The following ARFGEF2 variants were observed in gnomAD, a reference collection of about 807,000 sequenced individuals.
ARFGEF2 encodes the protein ARF guanine nucleotide exchange factor 2.
Under a neutral mutation model 219.9 loss-of-function variants are expected in ARFGEF2, and 74 were observed. The observed-to-expected ratio is 0.34, with a 90% CI of 0.28 to 0.41. The LOEUF is 0.41. ARFGEF2 is among the 10% of genes least tolerant of loss of function. The probability of loss-of-function intolerance (pLI) is 1.00; values close to 1 mark genes in which losing one functional copy is unlikely to be tolerated. For synonymous variants in ARFGEF2, 733 were observed against 799.2 expected, an observed-to-expected ratio of 0.92 and a Z score of 1.40; for missense variants, 1,743 against 2,218.3, an observed-to-expected ratio of 0.79 and a Z score of 4.30.
chr20:48,993,443 A>C (rs2091368380), intron 21 of ARFGEF2, among the ~76,000 whole-genome samples: 1 of 152,204 alleles, frequency 6.6e-6, no homozygotes, highest in Non-Finnish European at 1.5e-5. Flanking sequence ...TGGTGGAATT[A>C]AGTCTATTTC....
intron 1 of ARFGEF2, 27 bp downstream of exon 1, chr20:48,922,037 C>T (rs778638773): frequency 6.4e-7 from 1 of 1,567,110 alleles, no homozygotes; most frequent in East Asian, 2.4e-5. Context: ...CGCCCTGCCC[C>T]GCGCTGGCCT....
At chr20:48,979,824 C>T (rs1207478805) in intron 14 of ARFGEF2, among the ~76,000 whole-genome samples, 1 of 151,552 alleles carries the variant, frequency 6.6e-6, no homozygotes, top group Non-Finnish European at 1.5e-5. Flanking sequence ...TGGTGATATC[C>T]CCTTTATCAT....
At chr20:48,941,405 AG>A (rs1344895289) in intron 2 of ARFGEF2, among the ~76,000 whole-genome samples, 176 bp downstream of exon 2, 4 of 152,206 alleles carry the variant, frequency 2.6e-5, no homozygotes, top group African/African-American at 9.7e-5. Context: ...AACTGATGCT[AG>A]GTTCACAGGC....
At chr20:49,010,645 A>G (rs1035356995) in intron 27 of ARFGEF2, among the ~76,000 whole-genome samples, 1 of 152,226 alleles carries the variant, frequency 6.6e-6, no homozygotes, top group Non-Finnish European at 1.5e-5. Flanking sequence ...GGTCCAGCAG[A>G]TAAACGTGAA....
chr20:49,031,929 AG>A (rs1354566403), intron 37 of ARFGEF2, 119 bp from the exon 38 acceptor site: 7 of 846,342 alleles, frequency 8.3e-6, no homozygotes, highest in Admixed American at 5.7e-5. Flanking sequence ...AAAAAAAAAA[AG>A]TAATTAAAAA....
At chr20:48,947,624 G>T (rs2091036463) in intron 3 of ARFGEF2, among the ~76,000 whole-genome samples, 1 of 152,124 alleles carries the variant, frequency 6.6e-6, no homozygotes, top group Admixed American at 6.5e-5. Flanking sequence ...ACTTTGGAAG[G>T]CCGAGGCAGG....
intron 26 of ARFGEF2, among the ~76,000 whole-genome samples, chr20:49,005,877 C>A (rs1266852389): frequency 1.1e-4 from 17 of 152,128 alleles, no homozygotes; most frequent in Admixed American, 9.8e-4. Context: ...ACTTCTCCCC[C>A]AGGGAGGTCA....
At chr20:49,011,843 G>T in intron 27 of ARFGEF2, 81 bp from the exon 28 acceptor site, 2 of 1,347,958 alleles carry the variant, frequency 1.5e-6, no homozygotes, top group Non-Finnish European at 1.1e-6. Context: ...GTGTGTGTGT[G>T]TGTGTGTGCA....
intron 1 of ARFGEF2, among the ~76,000 whole-genome samples, chr20:48,925,533 G>A (rs1268456790): frequency 1.3e-5 from 2 of 152,070 alleles, no homozygotes; most frequent in East Asian, 1.9e-4. Flanking sequence ...TTTAAAATTC[G>A]ATATGGAAAA....
chr20:49,017,573 G>C, intron 33 of ARFGEF2, 23 bp downstream of exon 33: 1 of 1,613,152 alleles, frequency 6.2e-7, no homozygotes, highest in Non-Finnish European at 8.5e-7. Flanking sequence ...GTTTTTCTTT[G>C]GTTGTCTTTT....
intron 25 of ARFGEF2, among the ~76,000 whole-genome samples, chr20:49,004,425 G>A (rs1255482694): frequency 6.6e-6 from 1 of 151,956 alleles, no homozygotes; most frequent in African/African-American, 2.4e-5. Flanking sequence ...TGGTTAAGAT[G>A]GTAGATTTTA....
intron 26 of ARFGEF2, among the ~76,000 whole-genome samples, chr20:49,006,564 G>A (rs920989378): frequency 2.6e-5 from 4 of 152,092 alleles, no homozygotes; most frequent in Non-Finnish European, 5.9e-5. Flanking sequence ...TTTTATCCAG[G>A]GCAGCCAGCT....
In ARFGEF2 at chr20:48,998,491, G is replaced by A; in HGVS notation, c.3418G>A (p.Asp1140Asn). 6.2e-7 allele frequency: 1 copy of A among 1,612,090 alleles called. No homozygotes were observed. Among genetic ancestry groups the A allele is most frequent in the Admixed American group, 1.7e-5 (1 of 59,868 alleles). Residue 1140 changes from aspartate (D) to asparagine (N), a missense_variant, in exon 25 of 39, where the codon GAT becomes AAT. Asp to Asn is a conservative substitution (Grantham distance 23). Transcript: ENST00000371917. ...GTCTCGAATATGGCATGTGATTGGA[G>A]ATCACTTCAATAAGGTAACTCTTCA... ...QWSRIWHVIG[D>N]HFNKVGCNPN...
chr20:49,028,707 T>C, intron 37 of ARFGEF2, 39 bp downstream of exon 37: 1 of 1,595,234 alleles, frequency 6.3e-7, no homozygotes, highest in Non-Finnish European at 8.6e-7. Context: ...CTATCTGCTA[T>C]ATACAAAATG....
chr20:49,002,724 GCCTCAGCCTCCCAAGTACAAGCAATT>G (rs2091432541), intron 25 of ARFGEF2, among the ~76,000 whole-genome samples: 1 of 150,990 alleles, frequency 6.6e-6, no homozygotes, highest in East Asian at 1.9e-4. Flanking sequence ...CAATTCTCTT[GCCTCAGCCTCCCAAGTACAAGCAATT>G]CTCCTGCCTC....
rs2091209845 is a variant in ARFGEF2 at position 48,969,149 on chromosome 20, A to G, written c.1062A>G (p.Glu354=). Residue 354 remains glutamate (E), a splice_region_variant and synonymous_variant, in exon 9 of 39, where the codon GAA becomes GAG. Coordinates refer to ENST00000371917, the MANE Select transcript of ARFGEF2 (RefSeq NM_006420.3). ...RQSLSSADNL[E]SDAQGHQVAA... ...CTGATGTTTGTTTCTGATCCTAGGAATCGGATGCACAAGGACATCAAGTGG... is the reference window on the plus strand; with the variant it reads ...CTGATGTTTGTTTCTGATCCTAGGAGTCGGATGCACAAGGACATCAAGTGG... The G allele has an allele frequency of 6.2e-7, 1 of 1,613,832 alleles. No homozygotes were observed. Among genetic ancestry groups the G allele is most frequent in the Non-Finnish European group, 8.5e-7 (1 of 1,179,922 alleles).
At chr20:48,926,866 G>A (rs1032983272) in intron 1 of ARFGEF2, among the ~76,000 whole-genome samples, 5 of 152,166 alleles carry the variant, frequency 3.3e-5, no homozygotes, top group Admixed American at 3.3e-4. Flanking sequence ...GGGAAACGTA[G>A]CTGCAGCACA....
chr20:48,945,057 C>G (rs145907643), intron 3 of ARFGEF2, among the ~76,000 whole-genome samples: 1 of 152,086 alleles, frequency 6.6e-6, no homozygotes, highest in Non-Finnish European at 1.5e-5. Flanking sequence ...TGTGTTCTCA[C>G]GTGTCATGGA....
At chr20:49,031,453 T>C (rs893913343) in intron 37 of ARFGEF2, among the ~76,000 whole-genome samples, 1 of 152,052 alleles carries the variant, frequency 6.6e-6, no homozygotes, top group African/African-American at 2.4e-5. Flanking sequence ...TGTCTCGAAC[T>C]CCTGGCTTCA....
Sources: allele counts gnomAD v4.1 joint callset (sites outside exome capture counted in the v4.1 genomes callset), GRCh38; gene constraint gnomAD v4.1.1; transcripts MANE v1.5; gene names NCBI Gene and HGNC (gene_info 2026-07-23, HGNC 2026-07-21).